DLC1: variants seen among roughly 807,000 people sequenced by gnomAD.
DLC1 encodes the protein DLC1 Rho GTPase activating protein.
A neutral mutation model predicts 140.3 loss-of-function variants in DLC1; 54 were observed. The ratio of observed to expected loss-of-function variants is 0.38; its 90% CI spans 0.31 to 0.48. DLC1 has a LOEUF of 0.48. Ranked by LOEUF, DLC1 falls within the 20% of genes least tolerant of loss-of-function variation. DLC1 has a pLI of 0.96. For missense variants in DLC1, 2,536 were observed against 1,907.0 expected, an observed-to-expected ratio of 1.33 and a Z score of -6.14; for synonymous variants, 986 against 728.1, an observed-to-expected ratio of 1.35 and a Z score of -5.70.
At chr8:13,506,251 G>A (rs1046182212) in intron 1 of DLC1, among the ~76,000 whole-genome samples, 3 of 151,788 alleles carry the variant, frequency 2.0e-5, no homozygotes, top group Non-Finnish European at 4.4e-5. Context: ...AAATGAACAC[G>A]CTATTGACTT....
At chr8:13,365,691 A>G (rs1835446824) in intron 4 of DLC1, among the ~76,000 whole-genome samples, 1 of 152,148 alleles carries the variant, frequency 6.6e-6, no homozygotes, top group African/African-American at 2.4e-5. Flanking sequence ...TTTCCACTGC[A>G]TATTTAGCAG....
At chr8:13,325,857 T>C (rs1165815876) in intron 4 of DLC1, among the ~76,000 whole-genome samples, 3 of 152,156 alleles carry the variant, frequency 2.0e-5, no homozygotes, top group Admixed American at 6.5e-5. Context: ...ATCCAATATG[T>C]AATAAAGACT....
At chr8:13,298,066 T>A (rs946189966) in intron 5 of DLC1, among the ~76,000 whole-genome samples, 1 of 152,176 alleles carries the variant, frequency 6.6e-6, no homozygotes. Context: ...TCATTTCTAT[T>A]TTCTGTCTTA....
chr8:13,311,392 A>C (rs1832659599), intron 4 of DLC1, among the ~76,000 whole-genome samples: 1 of 152,196 alleles, frequency 6.6e-6, no homozygotes, highest in Non-Finnish European at 1.5e-5. Context: ...TCTCAACCAG[A>C]TCAGAGAAGA....
At chr8:13,125,929 C>A (rs1237550949) in intron 5 of DLC1, among the ~76,000 whole-genome samples, 1 of 152,036 alleles carries the variant, frequency 6.6e-6, no homozygotes, top group Admixed American at 6.6e-5. Flanking sequence ...CAAGCCTATA[C>A]CTGGGGTGAA....
rs1838952801 is a variant in DLC1, at chr8:13,432,952, T to C, written c.1024-31333A>G. Among the ~76,000 whole-genome samples the C allele has an allele frequency of 1.3e-5, 2 of 149,698 alleles. 1 individual carries two copies. On this transcript the variant is annotated intron_variant, in intron 2 of 17. Transcript: ENST00000276297. ...GAGGTTCCTCTCTTCCTTTTTTTTT[T>C]TTTTTTTTTTTTTCCTTTTTCAAAC...
In DLC1 at chr8:13,582,878, C is replaced by CCATATATATATATATA. The variant is rs1461616416; in HGVS notation, c.-126+21658_-126+21659insTATATATATATATATG. ...AGTTATGTTTACAATATACTGTGGT[C>CCATATATATATATATA]TATATATATATATATATATATATAT... On this transcript the variant is annotated intron_variant, in intron 1 of 1. Coordinates refer to the DLC1 transcript ENST00000631382. 7.9e-4 allele frequency among the ~76,000 whole-genome samples: 81 copies of CCATATATATATATATA among 103,086 alleles called. 5 individuals are homozygous for CCATATATATATATATA. Among genetic ancestry groups the CCATATATATATATATA allele is most frequent in the Middle Eastern group, 5.1e-3 (1 of 198 alleles). 67.6% of individuals were successfully genotyped at this position (103,086 alleles called of 152,430 possible). A position where few individuals can be genotyped will look rare whatever the true frequency, so the allele number is the denominator to read the frequency against.
At chr8:13,599,248 G>A (rs970689803) in intron 1 of DLC1, among the ~76,000 whole-genome samples, 2 of 151,676 alleles carry the variant, frequency 1.3e-5, no homozygotes, top group Non-Finnish European at 2.9e-5. Context: ...ATTATAGAAG[G>A]TACTAAGGAA....
intron 2 of DLC1, among the ~76,000 whole-genome samples, chr8:13,494,418 G>A (rs1002587482): frequency 1.3e-5 from 2 of 152,052 alleles, no homozygotes; most frequent in Admixed American, 6.6e-5. Flanking sequence ...CGACGACCTG[G>A]GTACTGCCTG....
chr8:13,362,925 C>G (rs565100608), intron 4 of DLC1, among the ~76,000 whole-genome samples: 1 of 152,184 alleles, frequency 6.6e-6, no homozygotes, highest in African/African-American at 2.4e-5. Context: ...TCCAGACCAT[C>G]CTACCAATGT....
chr8:13,276,439 A>C (rs911097431), intron 5 of DLC1: 55 of 1,422,814 alleles, frequency 3.9e-5, no homozygotes, highest in Non-Finnish European at 4.6e-6. Flanking sequence ...GGGCGCCGCG[A>C]CCATGCCTCG....
At chr8:13,295,947 T>TG (rs1831930866) in intron 5 of DLC1, among the ~76,000 whole-genome samples, 2 of 116,728 alleles carry the variant, frequency 1.7e-5, no homozygotes, top group South Asian at 6.1e-4. Flanking sequence ...TCTTTGTTTT[T>TG]TTTTTTTTTT....
At chr8:13,601,193 C>G (rs1805870651) in intron 1 of DLC1, among the ~76,000 whole-genome samples, 1 of 151,848 alleles carries the variant, frequency 6.6e-6, no homozygotes, top group Non-Finnish European at 1.5e-5. Flanking sequence ...TACAATAAGG[C>G]TCAGTCAGCT....
At chr8:13,344,093 GCTC>G (rs1240442758) in intron 4 of DLC1, among the ~76,000 whole-genome samples, 6 of 152,098 alleles carry the variant, frequency 3.9e-5, no homozygotes, top group Non-Finnish European at 5.9e-5. Context: ...TCATTTATTT[GCTC>G]CTTTTTCTTT....
intron 5 of DLC1, among the ~76,000 whole-genome samples, chr8:13,300,804 C>G (rs1832161369): frequency 6.6e-6 from 1 of 152,152 alleles, no homozygotes; most frequent in African/African-American, 2.4e-5. Flanking sequence ...AATGTTGGCA[C>G]AGGAACTGAC....
chr8:13,289,547 C>G (rs1235286808), intron 5 of DLC1, among the ~76,000 whole-genome samples: 2 of 152,086 alleles, frequency 1.3e-5, no homozygotes, highest in Non-Finnish European at 2.9e-5. Context: ...CCCAGGCTGG[C>G]TTTGAACTCC....
chr8:13,104,206 G>A (rs1393581845), intron 7 of DLC1, among the ~76,000 whole-genome samples: 4 of 151,940 alleles, frequency 2.6e-5, no homozygotes, highest in East Asian at 1.9e-4. Flanking sequence ...AAATCTTACC[G>A]GGTTCAAAAT....
intron 5 of DLC1, among the ~76,000 whole-genome samples, chr8:13,151,069 T>G (rs1585777837): frequency 6.6e-6 from 1 of 152,186 alleles, no homozygotes; most frequent in Non-Finnish European, 1.5e-5. Flanking sequence ...CATATGATGA[T>G]GAAATATCTG....
chr8:13,441,733 T>C (rs1798518356), intron 2 of DLC1, among the ~76,000 whole-genome samples: 1 of 152,204 alleles, frequency 6.6e-6, no homozygotes, highest in Non-Finnish European at 1.5e-5. Flanking sequence ...TGGAGGAACA[T>C]TCCATGCTCA....
Sources: gnomAD v4.1 joint callset for allele counts (sites outside exome capture counted in the v4.1 genomes callset) on GRCh38, gnomAD v4.1.1 for gene constraint, MANE v1.5 for transcripts, NCBI Gene and HGNC (gene_info 2026-07-23, HGNC 2026-07-21) for gene names.